Variants in GPSM1 observed in about 807,000 individuals in gnomAD.
The protein encoded by GPSM1 is G protein signaling modulator 1.
A neutral mutation model predicts 70.5 loss-of-function variants in GPSM1; 48 were observed. The observed-to-expected ratio is 0.68, with a 90% confidence interval of 0.54 to 0.87. The LOEUF is 0.87. GPSM1 is among the 40% of genes least tolerant of loss of function. GPSM1 has a pLI of 0.00. For synonymous variants in GPSM1, 416 were observed against 430.1 expected (o/e 0.97, Z 0.41); for missense variants, 981 against 972.6 (o/e 1.01, Z -0.11).
intron 12 of GPSM1, 117 bp from the exon 13 acceptor site, chr9:136,356,225 C>A: frequency 1.2e-6 from 1 of 806,672 alleles, no homozygotes; most frequent in Non-Finnish European, 1.9e-6. Flanking sequence ...GAGCCATGGC[C>A]CCAGCAGCAC....
intron 1 of GPSM1, 77 bp from the exon 2 acceptor site, chr9:136,334,370 A>G (rs1588690739): frequency 9.7e-7 from 1 of 1,031,406 alleles, no homozygotes; most frequent in Non-Finnish European, 1.5e-6. Context: ...CGTCGTCTGT[A>G]GTGAAGCCAC....
chr9:136,331,371 C>G (rs1346823267), intron 1 of GPSM1, among the ~76,000 whole-genome samples: 4 of 150,858 alleles, frequency 2.7e-5, no homozygotes, highest in Admixed American at 6.6e-5. Flanking sequence ...TGAGCCCCCC[C>G]CCCCCGCTGC....
intron 2 of GPSM1, 116 bp from the exon 3 acceptor site, chr9:136,335,850 G>C: frequency 9.3e-7 from 1 of 1,075,750 alleles, no homozygotes; most frequent in Non-Finnish European, 1.3e-6. Context: ...GCAGGCTCCT[G>C]TCCACTCCAT....
At chr9:136,357,531 GCCA>G (rs1832864831) in intron 13 of GPSM1, among the ~76,000 whole-genome samples, 1 of 152,230 alleles carries the variant, frequency 6.6e-6, no homozygotes, top group Non-Finnish European at 1.5e-5. Flanking sequence ...CACGGGGTCA[GCCA>G]CCTGACACAA....
rs1262507580 is a variant in GPSM1, at chr9:136,342,008, G to C, written c.1207+1015G>C. On this transcript the variant is annotated intron_variant, in intron 9 of 13. Transcript: ENST00000440944. This position sits in a 1 kb window ranked among gnomAD's most constrained non-coding sequence, Gnocchi z 5.5. ...GGTTTCTGACGATGACCTCTCCTGG[G>C]AAATTGGGGGTGCATGTCAGCCACC... Among the ~76,000 whole-genome samples the C allele has an allele frequency of 6.6e-6, 1 of 152,162 alleles. No homozygotes were observed. Among genetic ancestry groups the C allele is most frequent in the Non-Finnish European group, 1.5e-5 (1 of 68,018 alleles).
chr9:136,355,783 C>T lies in GPSM1; in HGVS notation c.1549C>T (p.Leu517=), dbSNP rs1554772909. The change falls in exon 12 of 14, where the codon CTG becomes TTG. Residue 517 remains leucine (L), a synonymous_variant. Transcript: ENST00000440944. ...SSRMDDQRCP[L]DDGQAGAAEA... Reference sequence around the variant, plus strand: ...CCGCATGGACGACCAGCGTTGTCCCCTGGACGATGGCCAGGCCGGGGCTGC... The same window carrying T: ...CCGCATGGACGACCAGCGTTGTCCCTTGGACGATGGCCAGGCCGGGGCTGC... 1 of 1,612,152 alleles carries T rather than the reference C, an allele frequency of 6.2e-7. No individual in the cohort carries two copies. Among genetic ancestry groups the T allele is most frequent in the African/African-American group, 1.3e-5 (1 of 75,012 alleles).
At chr9:136,337,411 G>A (rs1167925397) in intron 4 of GPSM1, 30 bp from the exon 5 acceptor site, 1 of 1,563,268 alleles carries the variant, frequency 6.4e-7, no homozygotes, top group Middle Eastern at 1.7e-4. Context: ...GGGCTGGGAG[G>A]GACACGGCTC....
chr9:136,337,733 C>T, intron 5 of GPSM1, 113 bp from the exon 6 acceptor site: 1 of 1,009,580 alleles, frequency 9.9e-7, no homozygotes, highest in South Asian at 1.4e-5. Flanking sequence ...TAGCTGCTCA[C>T]CCGGACACAC....
rs189144646 is a variant in GPSM1, at chr9:136,342,148, C to T, written c.1207+1155C>T. Among the ~76,000 whole-genome samples, 9 of 152,210 alleles carry T rather than the reference C, an allele frequency of 5.9e-5. No individual in the cohort carries two copies. Among genetic ancestry groups the T allele is most frequent in the Admixed American group, 1.3e-4 (2 of 15,288 alleles). ...GGTAGGGGATGGGCTGGAATGTGCC[C>T]CCCAGGATGTCCAGGCCTATTTCTA... On this transcript the variant is annotated intron_variant, in intron 9 of 13. Transcript: ENST00000440944. The surrounding 1 kb of genome is among the most constrained non-coding windows in gnomAD (Gnocchi z 5.5).
At position 136,358,684 on chromosome 9, in the gene GPSM1, A is replaced by C. The variant is rs1588713900; in HGVS notation, c.*464A>C. The stretch of plus-strand genomic sequence containing the variant: ...GATGGCCGTGTGACAGGCATGCTCC[A>C]CCCCTCCAGCTTCGTCCTGGGGCAG... On this transcript the variant is annotated 3_prime_UTR_variant, in exon 14 of 14. Transcript: ENST00000440944. The C allele has an allele frequency of 4.9e-6, 1 of 204,286 alleles. No individual in the cohort carries two copies. The highest frequency in any genetic ancestry group is 9.8e-6 in the Non-Finnish European group (1 of 102,290). The allele number at this position is 204,286 out of a possible 1,614,324, so 12.7% of individuals were successfully genotyped here. A position where few individuals can be genotyped will look rare whatever the true frequency, so the allele number is the denominator to read the frequency against.
At chr9:136,351,878 G>A (rs1288094301) in intron 11 of GPSM1, among the ~76,000 whole-genome samples, 1 of 152,268 alleles carries the variant, frequency 6.6e-6, no homozygotes, top group African/African-American at 2.4e-5. Context: ...CTCCGAGTAA[G>A]GACCGTCTGC....
At chr9:136,348,914 C>A in intron 10 of GPSM1, 147 bp downstream of exon 10, 1 of 633,880 alleles carries the variant, frequency 1.6e-6, no homozygotes, top group Non-Finnish European at 2.8e-6. Context: ...CCCTGCATGG[C>A]CCATCTGCCA....
At chr9:136,351,908 T>TG (rs1156722294) in intron 11 of GPSM1, among the ~76,000 whole-genome samples, 21 of 152,298 alleles carry the variant, frequency 1.4e-4, no homozygotes, top group African/African-American at 5.1e-4. Flanking sequence ...GCAGCCTGTA[T>TG]GGGGACTGCA....
chr9:136,337,753 G>A, intron 5 of GPSM1, 93 bp from the exon 6 acceptor site: 2 of 1,095,858 alleles, frequency 1.8e-6, no homozygotes, highest in Middle Eastern at 2.3e-4. Flanking sequence ...CAGATCTCTG[G>A]CCGGCCACCT....
intron 5 of GPSM1, 98 bp from the exon 6 acceptor site, chr9:136,337,748 C>T: frequency 1.9e-6 from 2 of 1,071,972 alleles, no homozygotes; most frequent in Admixed American, 2.0e-5. Context: ...ACACACAGAT[C>T]TCTGGCCGGC....
intron 9 of GPSM1, among the ~76,000 whole-genome samples, chr9:136,346,936 C>A (rs1832537574): frequency 1.3e-5 from 2 of 152,170 alleles, no homozygotes; most frequent in South Asian, 2.1e-4. Flanking sequence ...CCAGGGCTAA[C>A]GGTGGGGTCC....
chr9:136,356,482 C>T lies in GPSM1; in HGVS notation c.1753C>T (p.His585Tyr). 6.2e-7 allele frequency: 1 copy of T among 1,611,872 alleles called. No homozygotes were observed. The highest frequency in any genetic ancestry group is 1.1e-5 in the South Asian group (1 of 91,006). ...GCGAATCACCCACAGCAATGCAGGG[C>T]ACCTCCGAGGCCACGGCGAGCCCCA... is the stretch of plus-strand genomic sequence containing the variant. ...GLRITHSNAG[H>Y]LRGHGEPQEP... The change falls in exon 13 of 14, where the codon CAC becomes TAC. Residue 585 changes from histidine (H) to tyrosine (Y), a missense_variant. By Grantham distance (83) the His-to-Tyr change is moderately conservative (BLOSUM62 2). Coordinates refer to ENST00000440944, the MANE Select transcript of GPSM1 (RefSeq NM_001145638.3).
intron 11 of GPSM1, 181 bp from the exon 12 acceptor site, chr9:136,355,509 G>T (rs1832788423): frequency 2.1e-6 from 1 of 471,740 alleles, no homozygotes; most frequent in Non-Finnish European, 3.7e-6. Context: ...TGGGGGAGGG[G>T]TAGCCGGGTG....
chr9:136,339,177 G>A (rs902827703), intron 7 of GPSM1, among the ~76,000 whole-genome samples: 9 of 152,356 alleles, frequency 5.9e-5, no homozygotes, highest in Admixed American at 6.5e-5. Flanking sequence ...CCTTTGTGGC[G>A]TGGTGAGGAG....
Sources: allele counts gnomAD v4.1 joint callset (sites outside exome capture counted in the v4.1 genomes callset), GRCh38; gene constraint gnomAD v4.1.1; non-coding constraint Gnocchi (gnomAD v3.1); transcripts MANE v1.5; gene names NCBI Gene and HGNC (gene_info 2026-07-23, HGNC 2026-07-21).